Variants in CDH4 observed in about 807,000 individuals in gnomAD.
CDH4 encodes the protein cadherin-4.
Under a neutral mutation model 86.0 loss-of-function variants are expected in CDH4, and 33 were observed. The ratio of observed to expected loss-of-function variants is 0.38; its 90% confidence interval spans 0.29 to 0.51. The LOEUF (loss-of-function observed/expected upper bound fraction) is 0.51, where lower values mean the gene tolerates loss of function less well. Among genes scored for constraint, CDH4 ranks in the 20% least tolerant of loss-of-function variants. CDH4 has a pLI of 0.86. For missense variants in CDH4, 1,114 were observed against 1,307.4 expected, an observed-to-expected ratio of 0.85 and a Z score of 2.28; for synonymous variants, 555 against 549.4, an observed-to-expected ratio of 1.01 and a Z score of -0.14.
rs572639346 is a variant in CDH4, at chr20:61,918,832, G to A, written c.1375-4619G>A. Reference sequence around the variant, plus strand: ...CAGTCATGGGCTTCCAGGAGCCACCGTCTCAGTTTTCCTTCCATGCCCATC... The same window carrying A: ...CAGTCATGGGCTTCCAGGAGCCACCATCTCAGTTTTCCTTCCATGCCCATC... On this transcript the variant is annotated intron_variant, in intron 9 of 15. Coordinates refer to ENST00000614565, the MANE Select transcript of CDH4 (RefSeq NM_001794.5). 5.3e-5 allele frequency among the ~76,000 whole-genome samples: 8 copies of A among 152,260 alleles called. No individual in the cohort carries two copies. In the South Asian group the frequency reaches 6.2e-4, roughly 12 times the overall value.
At chr20:61,469,834 C>G (rs1036911618) in intron 2 of CDH4, among the ~76,000 whole-genome samples, 1 of 151,952 alleles carries the variant, frequency 6.6e-6, no homozygotes, top group Non-Finnish European at 1.5e-5. Context: ...CCCCAGTTTA[C>G]GTTCTTGGTG....
chr20:61,306,378 C>T (rs1439340451), intron 2 of CDH4, among the ~76,000 whole-genome samples: 2 of 152,018 alleles, frequency 1.3e-5, no homozygotes, highest in African/African-American at 4.8e-5. Flanking sequence ...CGCTCTGTCA[C>T]CCAGGCTGGA....
intron 2 of CDH4, among the ~76,000 whole-genome samples, chr20:61,331,630 G>GCCCTGGCCACCTT (rs1348439408): frequency 5.1e-3 from 487 of 96,358 alleles, no homozygotes; most frequent in African/African-American, 5.6e-3. Context: ...CCCACCTCCT[G>GCCCTGGCCACCTT]CCCCAGACCC....
At chr20:61,506,830 G>A (rs1424460992) in intron 2 of CDH4, among the ~76,000 whole-genome samples, 1 of 152,164 alleles carries the variant, frequency 6.6e-6, no homozygotes, top group Non-Finnish European at 1.5e-5. Flanking sequence ...CTGCAGGGTG[G>A]TGCTGGGTAG....
At position 61,582,706 on chromosome 20, in the gene CDH4, G is replaced by T. The variant is rs1031881560; in HGVS notation, c.170-160857G>T. ...GAGGCTGGGGACACAAGCCAGCCCTGCAGGCTCCACTTCTCCCCAGATGTC... is the reference window on the plus strand; with the variant it reads ...GAGGCTGGGGACACAAGCCAGCCCTTCAGGCTCCACTTCTCCCCAGATGTC... On this transcript the variant is annotated intron_variant, in intron 2 of 15. Transcript: ENST00000614565. This position sits in a 1 kb window ranked among gnomAD's most constrained non-coding sequence, Gnocchi z 4.2. Among the ~76,000 whole-genome samples the T allele has an allele frequency of 6.6e-6, 1 of 152,164 alleles. No individual in the cohort carries two copies. Among genetic ancestry groups the T allele is most frequent in the African/African-American group, 2.4e-5 (1 of 41,436 alleles).
At chr20:61,686,525 G>A (rs1219462000) in intron 2 of CDH4, among the ~76,000 whole-genome samples, 2 of 151,618 alleles carry the variant, frequency 1.3e-5, no homozygotes, top group East Asian at 1.9e-4. Context: ...GCATTCGTGT[G>A]TGCATTTGTG....
At chr20:61,781,422 G>GA (rs1435964844) in intron 4 of CDH4, among the ~76,000 whole-genome samples, 3 of 151,262 alleles carry the variant, frequency 2.0e-5, no homozygotes, top group African/African-American at 2.4e-5. Flanking sequence ...AATCACAGCA[G>GA]AAAAAAAAAT....
intron 6 of CDH4, among the ~76,000 whole-genome samples, chr20:61,865,668 T>C (rs1054687950): frequency 5.9e-5 from 9 of 152,068 alleles, no homozygotes; most frequent in Admixed American, 5.9e-4. Context: ...GGCTGGTTAG[T>C]GTAGATGATA....
chr20:61,342,479 G>C (rs2084654123), intron 2 of CDH4, among the ~76,000 whole-genome samples: 1 of 152,188 alleles, frequency 6.6e-6, no homozygotes. Flanking sequence ...GTTCACAATA[G>C]GGTTTGAGCT....
intron 2 of CDH4, among the ~76,000 whole-genome samples, chr20:61,710,604 G>A (rs1440516199): frequency 2.0e-5 from 3 of 152,218 alleles, no homozygotes; most frequent in Non-Finnish European, 2.9e-5. Flanking sequence ...GGGCCCTGGG[G>A]CTGCAAAGGT....
At chr20:61,702,592 G>A (rs902440535) in intron 2 of CDH4, among the ~76,000 whole-genome samples, 2 of 152,196 alleles carry the variant, frequency 1.3e-5, no homozygotes, top group Admixed American at 6.5e-5. Flanking sequence ...AGCCAGAGCC[G>A]TCAAAGTTGA....
chr20:61,354,399 C>T (rs1165496881), intron 2 of CDH4, among the ~76,000 whole-genome samples: 1 of 152,236 alleles, frequency 6.6e-6, no homozygotes, highest in East Asian at 1.9e-4. Context: ...GACAAGGGCT[C>T]TCGAGATGGC....
At chr20:61,700,627 G>A (rs74984272) in intron 2 of CDH4, among the ~76,000 whole-genome samples, 2,546 of 152,256 alleles carry the variant, frequency 0.017, 72 homozygotes, top group African/African-American at 0.058. Flanking sequence ...TCACTGTGGG[G>A]CCACACATCA....
chr20:61,415,802 C>A (rs1442398970), intron 2 of CDH4, among the ~76,000 whole-genome samples: 2 of 152,058 alleles, frequency 1.3e-5, no homozygotes, highest in Non-Finnish European at 2.9e-5. Context: ...CAGGTTCAAG[C>A]AATTCTTGTG....
intron 2 of CDH4, among the ~76,000 whole-genome samples, chr20:61,540,360 C>A (rs1332724329): frequency 1.3e-5 from 2 of 152,170 alleles, no homozygotes; most frequent in Non-Finnish European, 2.9e-5. Context: ...GTCTTGAAAA[C>A]TGTTCATGAC....
chr20:61,537,007 T>C (rs2086002281), intron 2 of CDH4, among the ~76,000 whole-genome samples: 1 of 152,138 alleles, frequency 6.6e-6, no homozygotes, highest in Non-Finnish European at 1.5e-5. Flanking sequence ...AATGACCAAG[T>C]GGACAAATGA....
intron 2 of CDH4, among the ~76,000 whole-genome samples, chr20:61,488,783 C>A (rs1461306844): frequency 6.6e-6 from 1 of 152,138 alleles, no homozygotes; most frequent in African/African-American, 2.4e-5. Context: ...CTTGAGTAGT[C>A]TCTAAAAGAT....
chr20:61,705,244 G>C (rs2087816926), intron 2 of CDH4, among the ~76,000 whole-genome samples: 2 of 152,184 alleles, frequency 1.3e-5, no homozygotes, highest in Admixed American at 6.5e-5. Flanking sequence ...CCCAGGTGGG[G>C]CTGTTTTACG....
intron 3 of CDH4, among the ~76,000 whole-genome samples, chr20:61,767,754 G>C (rs933285231): frequency 1.3e-5 from 2 of 152,166 alleles, no homozygotes; most frequent in Admixed American, 1.3e-4. Context: ...GGGAACTGTG[G>C]GGTATGGGAC....
Sources: allele counts gnomAD v4.1 joint callset (sites outside exome capture counted in the v4.1 genomes callset), GRCh38; gene constraint gnomAD v4.1.1; non-coding constraint Gnocchi (gnomAD v3.1); transcripts MANE v1.5; gene names NCBI Gene and HGNC (gene_info 2026-07-23, HGNC 2026-07-21).